Variants in ZNF718 observed in about 807,000 individuals in gnomAD.
ZNF718 encodes zinc finger protein 718.
Under a neutral mutation model 2.6 loss-of-function variants are expected in ZNF718, and 3 were observed. The ratio of observed to expected loss-of-function variants is 1.16; its 90% CI spans 0.53 to 3.01. The LOEUF is 3.01. Ranked by LOEUF, ZNF718 falls within the 30% of genes most tolerant of loss-of-function variation. The probability of loss-of-function intolerance (pLI) is 0.03; values close to 1 mark genes in which losing one functional copy is unlikely to be tolerated. For missense variants in ZNF718, 468 were observed against 230.0 expected (o/e 2.03, Z -6.69); for synonymous variants, 135 against 77.9 (o/e 1.73, Z -3.86).
At chr4:173,345 C>G (rs1376366811) in intron 3 of ZNF718, among the ~76,000 whole-genome samples, 1 of 152,164 alleles carries the variant, frequency 6.6e-6, no homozygotes, top group Non-Finnish European at 1.5e-5. Context: ...AGCTATTTCA[C>G]TCGTTTAGTT....
chr4:149,294 T>G (rs1477163718), intron 3 of ZNF718, among the ~76,000 whole-genome samples: 1 of 152,210 alleles, frequency 6.6e-6, no homozygotes, highest in Non-Finnish European at 1.5e-5. Flanking sequence ...TGCATTTTCT[T>G]TTACTGCTTT....
At chr4:174,963 C>A (rs1717318576) in intron 3 of ZNF718, among the ~76,000 whole-genome samples, 2 of 152,156 alleles carry the variant, frequency 1.3e-5, no homozygotes, top group African/African-American at 4.8e-5. Flanking sequence ...GCAAATGATG[C>A]CAGGAAAACC....
At chr4:136,284 A>G (rs1222696453) in intron 3 of ZNF718, 2 of 480,330 alleles carry the variant, frequency 4.2e-6, no homozygotes, top group African/African-American at 1.9e-5. Flanking sequence ...ACAACTGGCC[A>G]TGGACTGTGG....
intron 3 of ZNF718, among the ~76,000 whole-genome samples, chr4:196,640 A>C (rs1553822075): frequency 2.0e-5 from 3 of 152,124 alleles, no homozygotes; most frequent in African/African-American, 7.2e-5. Context: ...CGTGATCTCA[A>C]CCAGCTAATG....
intron 3 of ZNF718, among the ~76,000 whole-genome samples, chr4:189,354 G>A (rs1717647933): frequency 6.6e-6 from 1 of 152,036 alleles, no homozygotes. Flanking sequence ...TCACTGTAAA[G>A]TATGTGTACT....
chr4:134,570 C>T (rs1194936303), intron 3 of ZNF718, among the ~76,000 whole-genome samples: 2 of 152,124 alleles, frequency 1.3e-5, no homozygotes, highest in Non-Finnish European at 2.9e-5. Flanking sequence ...GGTACTTTGA[C>T]AGTATTAGTT....
chr4:138,269 C>T (rs1715659915), intron 3 of ZNF718, among the ~76,000 whole-genome samples: 1 of 152,190 alleles, frequency 6.6e-6, no homozygotes, highest in Admixed American at 6.5e-5. Context: ...TAATCTTCCC[C>T]ACTTCCCCCA....
At chr4:175,359 C>T (rs1441657420) in intron 3 of ZNF718, among the ~76,000 whole-genome samples, 6 of 152,152 alleles carry the variant, frequency 3.9e-5, no homozygotes, top group Admixed American at 3.9e-4. Flanking sequence ...TTGGATAAAT[C>T]ACTTTTGAAT....
At chr4:164,371 A>T (rs1447044624), downstream of ZNF718, among the ~76,000 whole-genome samples, 1 of 152,098 alleles carries the variant, frequency 6.6e-6, no homozygotes, top group African/African-American at 2.4e-5. Context: ...TTAATAATAT[A>T]TATAACTTAC....
At chr4:194,854 C>T (rs914128806) in intron 3 of ZNF718, among the ~76,000 whole-genome samples, 17 of 152,210 alleles carry the variant, frequency 1.1e-4, no homozygotes, top group African/African-American at 3.9e-4. Flanking sequence ...CTACCCCTAG[C>T]CATTTTCCGA....
chr4:159,182 A>G (rs1331835851), intron 3 of ZNF718, among the ~76,000 whole-genome samples: 2 of 151,578 alleles, frequency 1.3e-5, no homozygotes, highest in African/African-American at 4.9e-5. Context: ...GACTACAGGC[A>G]TGTGCACCAC....
At chr4:130,741 TAA>T (rs1230301067) in intron 1 of ZNF718, 45 bp from the exon 2 acceptor site, 707 of 222,808 alleles carry the variant, frequency 3.2e-3, no homozygotes, top group South Asian at 6.1e-3. Flanking sequence ...GACTCCGTAT[TAA>T]AAAAAAAAAA....
chr4:190,601 T>C (rs1717672243), intron 3 of ZNF718, among the ~76,000 whole-genome samples: 1 of 151,964 alleles, frequency 6.6e-6, no homozygotes, highest in Admixed American at 6.6e-5. Flanking sequence ...AACATTTGAG[T>C]GAAACATTGA....
intron 3 of ZNF718, among the ~76,000 whole-genome samples, chr4:198,084 G>A (rs1553822280): frequency 6.6e-6 from 1 of 152,118 alleles, no homozygotes; most frequent in Non-Finnish European, 1.5e-5. Context: ...GGTAGCAGTG[G>A]CACTTGCTTC....
At chr4:158,833 A>T (rs757754965) in intron 3 of ZNF718, among the ~76,000 whole-genome samples, 2 of 149,240 alleles carry the variant, frequency 1.3e-5, no homozygotes, top group Non-Finnish European at 3.0e-5. Flanking sequence ...ATGTTTTCAT[A>T]TGATTATGTT....
At chr4:137,030 A>G (rs1042079540) in intron 3 of ZNF718, among the ~76,000 whole-genome samples, 29 of 152,154 alleles carry the variant, frequency 1.9e-4, no homozygotes, top group Non-Finnish European at 2.5e-4. Flanking sequence ...TGTCTTTGGC[A>G]TAGTGAGTTT....
intron 3 of ZNF718, among the ~76,000 whole-genome samples, chr4:144,779 AT>A (rs1264292146): frequency 2.0e-5 from 3 of 152,106 alleles, no homozygotes; most frequent in African/African-American, 7.2e-5. Context: ...CGTAAATGGA[AT>A]TACTCTCTTG....
At chr4:198,174 G>A (rs1247506475) in intron 3 of ZNF718, among the ~76,000 whole-genome samples, 1 of 152,046 alleles carries the variant, frequency 6.6e-6, no homozygotes, top group East Asian at 1.9e-4. Context: ...TGAGAAACGT[G>A]CTAAGAGCCA....
Position 132,124 on chromosome 4 carries a change from G to A in ZNF718, c.226+619G>A, listed in dbSNP as rs1193982736. 1.7e-4 allele frequency among the ~76,000 whole-genome samples: 12 copies of A among 69,134 alleles called. 5 individuals are homozygous for A. In the Admixed American group the frequency reaches 1.9e-3, roughly 11 times the overall value. 45.4% of individuals were successfully genotyped at this position (69,134 alleles called of 152,430 possible). A position where few individuals can be genotyped will look rare whatever the true frequency, so the allele number is the denominator to read the frequency against. ...TGCACTCCAGCCTGGGCGACAGAGC[G>A]AGATTCAGTCTCAAAAAAAAAAAAA... On this transcript the variant is annotated intron_variant, in intron 3 of 3. Coordinates refer to ENST00000510175, the MANE Select transcript of ZNF718 (RefSeq NM_001039127.6).
Sources: allele counts gnomAD v4.1 joint callset (sites outside exome capture counted in the v4.1 genomes callset), GRCh38; gene constraint gnomAD v4.1.1; transcripts MANE v1.5; gene names NCBI Gene and HGNC (gene_info 2026-07-23, HGNC 2026-07-21).